PROM1: variants seen among roughly 807,000 people sequenced by gnomAD.
PROM1 encodes prominin 1.
A neutral mutation model predicts 116.9 loss-of-function variants in PROM1; 105 were observed. The ratio of observed to expected loss-of-function variants is 0.90; its 90% CI spans 0.77 to 1.06. The LOEUF is 1.06. Among genes scored for constraint, PROM1 ranks in the 50% least tolerant of loss-of-function variants. PROM1 has a pLI of 0.00. For synonymous variants in PROM1, 393 were observed against 387.0 expected (o/e 1.02, Z -0.18); for missense variants, 1,122 against 1,045.2 (o/e 1.07, Z -1.01).
chr4:15,985,483 C>T (rs547451864), intron 22 of PROM1: 219 of 411,790 alleles, frequency 5.3e-4, no homozygotes, highest in Non-Finnish European at 8.1e-4. Flanking sequence ...TGTTTTAGTT[C>T]AAATTTGTTA....
At position 16,018,670 on chromosome 4, in the gene PROM1, G is replaced by T. The variant is rs1729044627; in HGVS notation, c.785-130C>A. 5 of 755,868 alleles carry T rather than the reference G, an allele frequency of 6.6e-6. No individual in the cohort carries two copies. In the South Asian group the frequency reaches 8.5e-5, roughly 13 times the overall value. The allele number at this position is 755,868 out of a possible 1,614,324, so 46.8% of individuals were successfully genotyped here. On this transcript the variant is annotated intron_variant, in intron 8 of 27. Coordinates refer to ENST00000447510, the MANE Select transcript of PROM1 (RefSeq NM_006017.3). ...GCAGTGAGAGGGACACACTGCAAGG[G>T]GCAGTCTGAGAGGGGAATACAGGAG...
At chr4:16,021,586 A>G (rs978218781) in intron 8 of PROM1, among the ~76,000 whole-genome samples, 16 of 152,210 alleles carry the variant, frequency 1.1e-4, no homozygotes, top group African/African-American at 3.4e-4. Flanking sequence ...CTTGTTCAAT[A>G]TTGCAAACGC....
rs745648882 is a variant in PROM1, at chr4:15,994,042, C to A, written c.1712G>T (p.Gly571Val). 6.2e-7 allele frequency: 1 copy of A among 1,613,770 alleles called. No individual in the cohort carries two copies. The highest frequency in any genetic ancestry group is 8.5e-7 in the Non-Finnish European group (1 of 1,179,842). Reference protein sequence around the residue: ...SDCKKNRGTYGTLHLQNSFNI... With the variant: ...SDCKKNRGTYVTLHLQNSFNI... ...GAAGCTGTTCTGCAGGTGAAGAGTG[C>A]CGTAAGTGCCTCTATTTTTTTTGCA... The change falls in exon 16 of 28, where the codon GGC becomes GTC. Residue 571 changes from glycine (G) to valine (V), a missense_variant. Transcript: ENST00000447510.
chr4:16,008,885 G>C, intron 12 of PROM1, 64 bp downstream of exon 12: 1 of 1,442,830 alleles, frequency 6.9e-7, no homozygotes. Context: ...GCTAATGTCA[G>C]ATTTTTATCT....
chr4:16,024,162 T>C (rs1730623630), intron 7 of PROM1, 133 bp downstream of exon 7: 5 of 769,196 alleles, frequency 6.5e-6, no homozygotes, highest in Non-Finnish European at 1.1e-5. Context: ...AAATGACACA[T>C]TGGCAATAAG....
At chr4:16,003,438 T>C (rs6825026) in intron 13 of PROM1, 95,681 of 456,236 alleles carry the variant, frequency 0.21, 10,982 homozygotes, top group African/African-American at 0.32. Flanking sequence ...CTGCTTTCCA[T>C]AACCTCAGAA....
At chr4:16,072,455 T>C (rs758869997) in intron 2 of PROM1, among the ~76,000 whole-genome samples, 1 of 152,176 alleles carries the variant, frequency 6.6e-6, no homozygotes, top group Non-Finnish European at 1.5e-5. Flanking sequence ...TTTGCAAAAA[T>C]TATAACTGAG....
chr4:16,027,110 T>C (rs1486097067), intron 5 of PROM1, among the ~76,000 whole-genome samples: 1 of 152,218 alleles, frequency 6.6e-6, no homozygotes, highest in East Asian at 1.9e-4. Flanking sequence ...ATTCTGATGG[T>C]AATCTTATAA....
chr4:15,982,992 T>C (rs888275857), intron 23 of PROM1, among the ~76,000 whole-genome samples: 2 of 152,202 alleles, frequency 1.3e-5, no homozygotes, highest in African/African-American at 4.8e-5. Flanking sequence ...GCATCAGTGA[T>C]ACTCTGTGCC....
intron 2 of PROM1, among the ~76,000 whole-genome samples, chr4:16,054,481 C>T (rs570140500): frequency 9.9e-5 from 15 of 152,138 alleles, no homozygotes; most frequent in African/African-American, 3.4e-4. Flanking sequence ...CAAAAGGTGC[C>T]GGTTTAAATG....
At position 15,986,385 on chromosome 4, in the gene PROM1, G is replaced by A. The variant is rs145143018; in HGVS notation, c.2131-348C>T. Among the ~76,000 whole-genome samples, 775 of 151,944 alleles carry A rather than the reference G, an allele frequency of 5.1e-3. 10 individuals are homozygous for A. The highest frequency in any genetic ancestry group is 0.017 in the African/African-American group (723 of 41,454). ...CGGTCACCATGCTGGGGAAACATAC[G>A]ACAATGCTGGGATTTGCACCGAACT... On this transcript the variant is annotated intron_variant, in intron 20 of 27. Coordinates refer to ENST00000447510, the MANE Select transcript of PROM1 (RefSeq NM_006017.3).
intron 2 of PROM1, among the ~76,000 whole-genome samples, chr4:16,071,073 A>G (rs922726582): frequency 1.3e-5 from 2 of 152,204 alleles, no homozygotes. Context: ...GGGACATGGA[A>G]TGGACACTGC....
At chr4:16,001,201 C>T (rs940933099) in intron 13 of PROM1, among the ~76,000 whole-genome samples, 4 of 152,044 alleles carry the variant, frequency 2.6e-5, no homozygotes, top group Admixed American at 2.6e-4. Context: ...CAGCAGGACT[C>T]GGAAAGCGCT....
intron 15 of PROM1, among the ~76,000 whole-genome samples, chr4:15,995,162 G>A (rs942118099): frequency 6.6e-6 from 1 of 152,156 alleles, no homozygotes; most frequent in African/African-American, 2.4e-5. Context: ...ATGGGGGATG[G>A]GCACTGGACA....
At chr4:15,981,631 A>C (rs1336711054) in intron 23 of PROM1, among the ~76,000 whole-genome samples, 1 of 152,048 alleles carries the variant, frequency 6.6e-6, no homozygotes, top group African/African-American at 2.4e-5. Flanking sequence ...TCTGCATCTG[A>C]GCAGCTGAGA....
At chr4:15,973,119 C>T (rs890220129) in intron 26 of PROM1, among the ~76,000 whole-genome samples, 1 of 152,204 alleles carries the variant, frequency 6.6e-6, no homozygotes, top group Non-Finnish European at 1.5e-5. Flanking sequence ...CCACCTGCTT[C>T]CTCCTCTAGG....
intron 11 of PROM1, among the ~76,000 whole-genome samples, chr4:16,012,711 A>G (rs1727196113): frequency 6.6e-6 from 1 of 151,860 alleles, no homozygotes; most frequent in Admixed American, 6.6e-5. Flanking sequence ...TCTACTAAAA[A>G]TACAAAAAAA....
At chr4:16,053,114 T>C (rs1286031962) in intron 2 of PROM1, among the ~76,000 whole-genome samples, 1 of 152,258 alleles carries the variant, frequency 6.6e-6, no homozygotes, top group Non-Finnish European at 1.5e-5. Context: ...CATATTTGCA[T>C]GTGGTTATGT....
chr4:15,987,611 G>A (rs1324506303), intron 20 of PROM1, 52 bp downstream of exon 20: 6 of 1,518,498 alleles, frequency 4.0e-6, no homozygotes, highest in South Asian at 1.2e-5. Flanking sequence ...AGCATTCTTT[G>A]TGTGGTATTT....
Sources: allele counts gnomAD v4.1 joint callset (sites outside exome capture counted in the v4.1 genomes callset), GRCh38; gene constraint gnomAD v4.1.1; transcripts MANE v1.5; gene names NCBI Gene and HGNC (gene_info 2026-07-23, HGNC 2026-07-21).